The following MARCHF3 variants were observed in gnomAD, a reference collection of about 807,000 sequenced individuals.
MARCHF3 encodes the protein E3 ubiquitin-protein ligase MARCHF3.
Under a neutral mutation model 24.2 loss-of-function variants are expected in MARCHF3, and 13 were observed. The observed-to-expected ratio is 0.54, with a 90% CI of 0.35 to 0.85. MARCHF3 has a LOEUF of 0.85. Ranked by LOEUF, MARCHF3 falls within the 40% of genes least tolerant of loss-of-function variation. The pLI, the probability that MARCHF3 is intolerant of heterozygous loss-of-function variation, is 0.01. For missense variants in MARCHF3, 276 were observed against 325.0 expected (o/e 0.85, Z 1.16); for synonymous variants, 144 against 137.3 (o/e 1.05, Z -0.34).
At chr5:127,023,471 C>G (rs1752879339) in intron 1 of MARCHF3, among the ~76,000 whole-genome samples, 1 of 152,174 alleles carries the variant, frequency 6.6e-6, no homozygotes, top group Admixed American at 6.5e-5. Flanking sequence ...TGGCTCACAC[C>G]TGTAACCCCA....
chr5:126,916,859 T>C (rs544043128), intron 2 of MARCHF3, among the ~76,000 whole-genome samples: 5 of 152,318 alleles, frequency 3.3e-5, no homozygotes, highest in South Asian at 2.1e-4. Flanking sequence ...GGACCGAAGA[T>C]AGTCACTGCC....
At chr5:127,005,885 A>G (rs1296794063) in intron 1 of MARCHF3, among the ~76,000 whole-genome samples, 1 of 152,172 alleles carries the variant, frequency 6.6e-6, no homozygotes. Context: ...AAAGCATGAA[A>G]TAAATATAAA....
chr5:126,895,264 T>C (rs1015315228), intron 3 of MARCHF3, among the ~76,000 whole-genome samples: 5 of 152,154 alleles, frequency 3.3e-5, no homozygotes, highest in South Asian at 2.1e-4. Context: ...AATGTCCTCC[T>C]GTAGCTCAGA....
chr5:127,004,140 G>C (rs951267178), intron 1 of MARCHF3, among the ~76,000 whole-genome samples: 1 of 152,190 alleles, frequency 6.6e-6, no homozygotes, highest in African/African-American at 2.4e-5. Context: ...TTCCAAAGGA[G>C]AGCCCGTCTA....
chr5:126,899,341 C>A (rs6864607), intron 3 of MARCHF3: 29,929 of 981,512 alleles, frequency 0.03, 2,268 homozygotes, highest in African/African-American at 0.25. Context: ...GTTTTCCTTT[C>A]TGGGTTGCAA....
chr5:126,895,198 G>A (rs907059687), intron 3 of MARCHF3, among the ~76,000 whole-genome samples: 1 of 151,974 alleles, frequency 6.6e-6, no homozygotes, highest in Admixed American at 6.6e-5. Context: ...GGTTATTCCT[G>A]TTATACATTC....
At chr5:126,998,993 G>C (rs1752035737) in intron 1 of MARCHF3, among the ~76,000 whole-genome samples, 1 of 152,170 alleles carries the variant, frequency 6.6e-6, no homozygotes, top group African/African-American at 2.4e-5. Flanking sequence ...GAGGCTCCCA[G>C]AAAGTTCCCT....
intron 3 of MARCHF3, among the ~76,000 whole-genome samples, chr5:126,882,091 T>C (rs1330786294): frequency 4.6e-5 from 7 of 152,190 alleles, no homozygotes; most frequent in African/African-American, 1.4e-4. Context: ...AAACACCAGG[T>C]AGCAGAAAGT....
chr5:126,911,530 G>GATTGGACATAGACC (rs1349832512), intron 3 of MARCHF3, among the ~76,000 whole-genome samples: 3 of 152,214 alleles, frequency 2.0e-5, no homozygotes, highest in Non-Finnish European at 4.4e-5. Flanking sequence ...AGCTTTGTGT[G>GATTGGACATAGACC]ATTGGACATA....
intron 3 of MARCHF3, 163 bp downstream of exon 3, chr5:126,914,767 A>ACACACACACACACACACAC (rs1754658481): frequency 2.1e-5 from 9 of 432,180 alleles, no homozygotes; most frequent in African/African-American, 2.4e-5. Context: ...CTCTTTCTCA[A>ACACACACACACACACACAC]ACACACACAC....
intron 1 of MARCHF3, among the ~76,000 whole-genome samples, chr5:126,985,466 CTTTTATTTTT>C (rs1194517706): frequency 6.0e-4 from 88 of 146,776 alleles, no homozygotes; most frequent in Middle Eastern, 3.5e-3. Context: ...TCTGGATGAA[CTTTTATTTTT>C]TTTTTTTTTT....
chr5:126,971,341 C>T (rs576663554), intron 1 of MARCHF3, among the ~76,000 whole-genome samples: 97 of 149,304 alleles, frequency 6.5e-4, no homozygotes, highest in Non-Finnish European at 1.1e-3. Context: ...CCCAGCTGCT[C>T]GGGTGGCTGA....
At chr5:126,898,848 A>G in intron 3 of MARCHF3, 1 of 984,204 alleles carries the variant, frequency 1.0e-6, no homozygotes, top group Non-Finnish European at 1.2e-6. Context: ...AGGTGAAGCA[A>G]TGATGAAATA....
At chr5:126,992,147 C>G (rs1038561367) in intron 1 of MARCHF3, among the ~76,000 whole-genome samples, 6 of 152,138 alleles carry the variant, frequency 3.9e-5, no homozygotes, top group African/African-American at 1.4e-4. Flanking sequence ...CTTCTCTTTG[C>G]GCTCACATTC....
At chr5:126,962,220 C>A (rs188856904) in intron 1 of MARCHF3, among the ~76,000 whole-genome samples, 204 of 152,002 alleles carry the variant, frequency 1.3e-3, no homozygotes, top group Admixed American at 2.2e-3. Context: ...CCCTATATAT[C>A]TATATCTATA....
intron 3 of MARCHF3, among the ~76,000 whole-genome samples, chr5:126,896,431 C>T (rs1477688905): frequency 2.6e-5 from 4 of 152,082 alleles, no homozygotes; most frequent in African/African-American, 9.7e-5. Context: ...AGGAAACCAG[C>T]TGGATGAATA....
At chr5:126,905,613 G>GT (rs921513789) in intron 3 of MARCHF3, among the ~76,000 whole-genome samples, 69 of 151,996 alleles carry the variant, frequency 4.5e-4, no homozygotes, top group Non-Finnish European at 3.1e-4. Context: ...TTGGCTCTCT[G>GT]TTTGTCTGTT....
intron 1 of MARCHF3, among the ~76,000 whole-genome samples, chr5:126,929,775 A>G (rs1403497887): frequency 6.6e-6 from 1 of 152,100 alleles, no homozygotes; most frequent in Non-Finnish European, 1.5e-5. Flanking sequence ...TGTGGGAGGG[A>G]CCTGGTGGGA....
intron 3 of MARCHF3, among the ~76,000 whole-genome samples, chr5:126,900,721 A>C (rs1169207632): frequency 7.2e-6 from 1 of 138,226 alleles, no homozygotes; most frequent in Non-Finnish European, 1.5e-5. Context: ...TTTTTTTTTG[A>C]GATGGAGTCT....
Sources: allele counts gnomAD v4.1 joint callset (sites outside exome capture counted in the v4.1 genomes callset), GRCh38; gene constraint gnomAD v4.1.1; transcripts MANE v1.5; gene names NCBI Gene and HGNC (gene_info 2026-07-23, HGNC 2026-07-21).